Variants in EDEM2 observed in about 807,000 individuals in gnomAD.
The protein encoded by EDEM2 is ER degradation-enhancing alpha-mannosidase-like protein 2.
In EDEM2, 39 loss-of-function variants were observed where a neutral mutation model predicts 64.8. The observed-to-expected ratio is 0.60, with a 90% CI of 0.47 to 0.79. EDEM2 has a LOEUF of 0.79. Ranked by LOEUF, EDEM2 falls within the 30% of genes least tolerant of loss-of-function variation. The pLI, the probability that EDEM2 is intolerant of heterozygous loss-of-function variation, is 0.00. For missense variants in EDEM2, 609 were observed against 731.3 expected (o/e 0.83, Z 1.93); for synonymous variants, 296 against 291.5 (o/e 1.02, Z -0.16).
Position 35,123,925 on chromosome 20 carries a change from G to C in EDEM2, c.1079C>G (p.Thr360Arg). 6.2e-7 allele frequency: 1 copy of C among 1,614,186 alleles called. No homozygotes were observed. The highest frequency in any genetic ancestry group is 8.5e-7 in the Non-Finnish European group (1 of 1,180,032). The change falls in exon 9 of 11, where the codon ACA becomes AGA. Residue 360 changes from threonine to arginine, a missense_variant. Thr to Arg is a moderately conservative substitution (Grantham distance 71). Coordinates refer to ENST00000374492, the MANE Select transcript of EDEM2 (RefSeq NM_018217.3). ...PEFYNIPQGY[T>R]VEKREGYPLR... The stretch of plus-strand genomic sequence containing the variant: ...TGGGTAGCCCTCTCGCTTCTCCACT[G>C]TGTATCCCTGAGGAATGTTGTAGAA...
chr20:35,135,727 G>A (rs936568193), intron 5 of EDEM2, among the ~76,000 whole-genome samples: 2 of 152,166 alleles, frequency 1.3e-5, no homozygotes, highest in South Asian at 4.1e-4. Context: ...GAGTATAGGG[G>A]CTAAATTATT....
intron 2 of EDEM2, 64 bp downstream of exon 2, chr20:35,146,761 G>A: frequency 6.4e-7 from 1 of 1,561,954 alleles, no homozygotes; most frequent in East Asian, 2.4e-5. Context: ...AGCCCCAGCT[G>A]ACCCGCCCGC....
chr20:35,120,360 G>C (rs2085353763), intron 9 of EDEM2, among the ~76,000 whole-genome samples: 1 of 152,116 alleles, frequency 6.6e-6, no homozygotes, highest in East Asian at 1.9e-4. Context: ...ACTGCACCCA[G>C]CCTCTAGTTC....
rs1030392465 is a variant in EDEM2 at position 35,147,267 on chromosome 20, T to C, written c.-9A>G. The C allele has an allele frequency of 6.5e-7, 1 of 1,536,270 alleles. No homozygotes were observed. Among genetic ancestry groups the C allele is most frequent in the Non-Finnish European group, 8.8e-7 (1 of 1,138,130 alleles). On this transcript the variant is annotated 5_prime_UTR_variant, in exon 1 of 11. Transcript: ENST00000374492. ...AGCAGCCGGAAAGGCATAGAGCTCGTGTCCTCTCAGCGCCCCCGCAGCAGC... is the reference window on the plus strand; with the variant it reads ...AGCAGCCGGAAAGGCATAGAGCTCGCGTCCTCTCAGCGCCCCCGCAGCAGC...
At chr20:35,118,268 G>A (rs2085330525) in intron 10 of EDEM2, among the ~76,000 whole-genome samples, 1 of 152,128 alleles carries the variant, frequency 6.6e-6, no homozygotes. Context: ...CTATTTTAGT[G>A]TCTCACAAAA....
chr20:35,120,784 G>C (rs1404619816), intron 9 of EDEM2, among the ~76,000 whole-genome samples: 1 of 152,040 alleles, frequency 6.6e-6, no homozygotes, highest in Non-Finnish European at 1.5e-5. Context: ...TTTTAGTAGA[G>C]ACAGGGTTTC....
chr20:35,127,720 T>C (rs1351266614), intron 7 of EDEM2, among the ~76,000 whole-genome samples: 1 of 152,150 alleles, frequency 6.6e-6, no homozygotes, highest in Non-Finnish European at 1.5e-5. Context: ...CCCCCTTATG[T>C]GAGGAGAATA....
At chr20:35,144,918 A>G in intron 3 of EDEM2, 61 bp downstream of exon 3, 9 of 1,576,630 alleles carry the variant, frequency 5.7e-6, no homozygotes, top group Non-Finnish European at 7.0e-6. Context: ...CACGCTGCCA[A>G]AAGAGGAAGG....
chr20:35,138,486 A>T (rs527714825), intron 4 of EDEM2, among the ~76,000 whole-genome samples: 1 of 152,064 alleles, frequency 6.6e-6, no homozygotes. Flanking sequence ...TCTGTCTCCC[A>T]GTCACCTGTC....
At chr20:35,120,554 A>C (rs1466271492) in intron 9 of EDEM2, among the ~76,000 whole-genome samples, 1 of 150,076 alleles carries the variant, frequency 6.7e-6, no homozygotes, top group Non-Finnish European at 1.5e-5. Flanking sequence ...CAGTGCCCTC[A>C]TGGGAGGCCT....
At position 35,115,460 on chromosome 20, in the gene EDEM2, C is replaced by T. The variant is rs1210594471; in HGVS notation, c.1710G>A (p.Leu570=). Residue 570 remains leucine, a synonymous_variant, in exon 11 of 11, where the codon CTG becomes CTA. Transcript: ENST00000374492. ...ATGAGGAGTCTAGGAAAACCTGTCC[C>T]AGTAATGCCAACTTGGAGGTGAAGG... ...SQPFTSKLAL[L]GQVFLDSS is the part of the protein sequence containing the mutation. The T allele has an allele frequency of 1.2e-6, 2 of 1,613,756 alleles. No homozygotes were observed. Among genetic ancestry groups the T allele is most frequent in the Non-Finnish European group, 1.7e-6 (2 of 1,179,858 alleles).
chr20:35,120,520 C>T (rs1256526446), intron 9 of EDEM2, among the ~76,000 whole-genome samples: 1 of 151,562 alleles, frequency 6.6e-6, no homozygotes, highest in Non-Finnish European at 1.5e-5. Context: ...TGAACACATT[C>T]TGTGTGTTCA....
intron 9 of EDEM2, among the ~76,000 whole-genome samples, chr20:35,122,733 TG>T: frequency 6.6e-6 from 1 of 152,216 alleles, no homozygotes. Context: ...TCAATAACAG[TG>T]GCCTCTAAGG....
chr20:35,124,518 A>G (rs899230961), intron 8 of EDEM2, among the ~76,000 whole-genome samples: 2 of 152,038 alleles, frequency 1.3e-5, no homozygotes, highest in Non-Finnish European at 2.9e-5. Context: ...CTCTCACCTC[A>G]GCCTCCCAGT....
At chr20:35,140,293 G>A (rs1258463377) in intron 4 of EDEM2, among the ~76,000 whole-genome samples, 1 of 152,176 alleles carries the variant, frequency 6.6e-6, no homozygotes, top group Non-Finnish European at 1.5e-5. Context: ...AGACCAGCCT[G>A]GCCAATGTGG....
At chr20:35,143,769 T>G (rs2146116560) in intron 3 of EDEM2, among the ~76,000 whole-genome samples, 1 of 152,212 alleles carries the variant, frequency 6.6e-6, no homozygotes, top group East Asian at 1.9e-4. Context: ...CAGGTTGGAG[T>G]GCAGTGGTGT....
intron 5 of EDEM2, among the ~76,000 whole-genome samples, chr20:35,135,388 C>T (rs1008437674): frequency 2.6e-5 from 4 of 152,340 alleles, no homozygotes; most frequent in East Asian, 1.9e-4. Flanking sequence ...TTTTGGCTCA[C>T]GCCTATAATC....
At chr20:35,115,994 G>A in intron 10 of EDEM2, 61 bp from the exon 11 acceptor site, 2 of 1,563,220 alleles carry the variant, frequency 1.3e-6, no homozygotes, top group Non-Finnish European at 1.7e-6. Flanking sequence ...TAAGGGTCAG[G>A]CAATCCCTTA....
chr20:35,115,963 A>G, intron 10 of EDEM2, 30 bp from the exon 11 acceptor site: 3 of 1,600,318 alleles, frequency 1.9e-6, no homozygotes, highest in South Asian at 2.3e-5. Flanking sequence ...AGCAAGCTGG[A>G]ACACCATCAC....
Sources: allele counts gnomAD v4.1 joint callset (sites outside exome capture counted in the v4.1 genomes callset), GRCh38; gene constraint gnomAD v4.1.1; transcripts MANE v1.5; gene names NCBI Gene and HGNC (gene_info 2026-07-23, HGNC 2026-07-21).